Variants in KCNH8 observed in about 807,000 individuals in gnomAD.
The protein encoded by KCNH8 is voltage-gated delayed rectifier potassium channel KCNH8.
In KCNH8, 70 loss-of-function variants were observed where a neutral mutation model predicts 103.6. The ratio of observed to expected loss-of-function variants is 0.68; its 90% CI spans 0.56 to 0.82. The LOEUF (loss-of-function observed/expected upper bound fraction) is 0.82, where lower values mean the gene tolerates loss of function less well. Ranked by LOEUF, KCNH8 falls within the 40% of genes least tolerant of loss-of-function variation. KCNH8 has a pLI of 0.00. For missense variants in KCNH8, 1,217 were observed against 1,329.9 expected, an observed-to-expected ratio of 0.92 and a Z score of 1.32; for synonymous variants, 498 against 489.4, an observed-to-expected ratio of 1.02 and a Z score of -0.23.
At chr3:19,295,780 C>T (rs1361173755) in intron 3 of KCNH8, among the ~76,000 whole-genome samples, 1 of 151,956 alleles carries the variant, frequency 6.6e-6, no homozygotes, top group Non-Finnish European at 1.5e-5. Flanking sequence ...TATGGGGTTA[C>T]TGAGGTAGTG....
At chr3:19,337,971 C>A (rs1327918721) in intron 3 of KCNH8, among the ~76,000 whole-genome samples, 1 of 149,216 alleles carries the variant, frequency 6.7e-6, no homozygotes, top group African/African-American at 2.5e-5. Flanking sequence ...AAAAAATAAA[C>A]ACACACACAC....
intron 11 of KCNH8, among the ~76,000 whole-genome samples, chr3:19,475,740 T>C (rs1248742042): frequency 3.3e-5 from 5 of 152,228 alleles, no homozygotes; most frequent in Non-Finnish European, 7.3e-5. Context: ...TAGAGATTTA[T>C]CAGGCATATT....
chr3:19,346,631 G>T (rs1253790359), intron 4 of KCNH8: 3 of 456,274 alleles, frequency 6.6e-6, no homozygotes, highest in South Asian at 4.6e-5. Context: ...TGATCTTTCT[G>T]AACCTTTCTT....
intron 1 of KCNH8, among the ~76,000 whole-genome samples, chr3:19,202,959 G>A (rs1284526753): frequency 1.3e-5 from 2 of 152,110 alleles, no homozygotes; most frequent in African/African-American, 2.4e-5. Flanking sequence ...CTGAAGAAGT[G>A]TCAGTGTCCA....
chr3:19,325,662 C>T (rs1179018230), intron 3 of KCNH8, among the ~76,000 whole-genome samples: 2 of 152,014 alleles, frequency 1.3e-5, no homozygotes, highest in African/African-American at 4.8e-5. Flanking sequence ...TCAGAATGGC[C>T]ACTGTGAAAT....
At chr3:19,355,818 C>T (rs1036343837) in intron 5 of KCNH8, among the ~76,000 whole-genome samples, 33 of 151,682 alleles carry the variant, frequency 2.2e-4, no homozygotes, top group Admixed American at 2.0e-3. Context: ...ACCAACATGG[C>T]GCATGTATAC....
chr3:19,243,824 C>A (rs1032533876), intron 1 of KCNH8, among the ~76,000 whole-genome samples: 1 of 152,068 alleles, frequency 6.6e-6, no homozygotes, highest in African/African-American at 2.4e-5. Flanking sequence ...AAGAAATATT[C>A]TTTGAATTAA....
At chr3:19,392,352 G>A (rs1274720266) in intron 6 of KCNH8, among the ~76,000 whole-genome samples, 2 of 149,454 alleles carry the variant, frequency 1.3e-5, no homozygotes, top group South Asian at 2.1e-4. Flanking sequence ...AAAAGGGGAA[G>A]GAATCTGTTA....
In KCNH8 at chr3:19,272,005, A is replaced by G. The variant is rs897887891; in HGVS notation, c.311-9193A>G. ...AATCAAATAAATTAATGAGAATCTG[A>G]ACCTTGAAAAAGACAAAAAGCAGTA... On this transcript the variant is annotated intron_variant, in intron 2 of 15. Coordinates refer to ENST00000328405, the MANE Select transcript of KCNH8 (RefSeq NM_144633.3). 5.8e-4 allele frequency among the ~76,000 whole-genome samples: 89 copies of G among 152,308 alleles called. 1 individual carries two copies. The highest frequency in any genetic ancestry group is 8.8e-5 in the Non-Finnish European group (6 of 68,020).
intron 1 of KCNH8, among the ~76,000 whole-genome samples, chr3:19,209,531 A>C (rs1165936510): frequency 1.3e-5 from 2 of 152,218 alleles, no homozygotes; most frequent in East Asian, 3.9e-4. Flanking sequence ...ACACTCACTC[A>C]GAGATTGACT....
chr3:19,517,971 T>A, intron 14 of KCNH8, 27 bp from the exon 15 acceptor site: 1 of 1,580,046 alleles, frequency 6.3e-7, no homozygotes. Flanking sequence ...CCTAAAGGAC[T>A]CATTCTGTAT....
chr3:19,329,293 TC>T (rs2065472235), intron 3 of KCNH8, among the ~76,000 whole-genome samples: 1 of 152,216 alleles, frequency 6.6e-6, no homozygotes, highest in South Asian at 2.1e-4. Context: ...TATATATCTT[TC>T]TATAAACCTC....
At chr3:19,479,069 T>C (rs1035673916) in intron 11 of KCNH8, among the ~76,000 whole-genome samples, 1 of 152,196 alleles carries the variant, frequency 6.6e-6, no homozygotes, top group Non-Finnish European at 1.5e-5. Context: ...TAGCTAATAA[T>C]TGGCAGGACT....
chr3:19,283,567 A>G (rs1443132657), intron 3 of KCNH8, among the ~76,000 whole-genome samples: 1 of 152,032 alleles, frequency 6.6e-6, no homozygotes, highest in Non-Finnish European at 1.5e-5. Flanking sequence ...TTCTATTGCT[A>G]CCTTATTATA....
chr3:19,326,356 AATATATATATAT>A (rs34714826), intron 3 of KCNH8, among the ~76,000 whole-genome samples: 8 of 135,766 alleles, frequency 5.9e-5, no homozygotes, highest in East Asian at 2.3e-4. Context: ...ATGAAAGTTA[AATATATATATAT>A]ATATATATAT....
chr3:19,257,179 T>C (rs2064357024), intron 2 of KCNH8, among the ~76,000 whole-genome samples: 2 of 152,090 alleles, frequency 1.3e-5, no homozygotes, highest in African/African-American at 4.8e-5. Context: ...TTTCTTTTAA[T>C]ATGCTTTAGA....
chr3:19,450,206 T>C lies in KCNH8; in HGVS notation c.1476T>C (p.Asp492=). 6.8e-6 allele frequency: 11 copies of C among 1,613,664 alleles called. No individual in the cohort carries two copies. Among genetic ancestry groups the C allele is most frequent in the Non-Finnish European group, 9.3e-6 (11 of 1,179,752 alleles). The change falls in exon 9 of 16, where the codon GAT becomes GAC. Residue 492 remains aspartate, a synonymous_variant. Coordinates refer to ENST00000328405, the MANE Select transcript of KCNH8 (RefSeq NM_144633.3). ...ACACTAGAACTAAGGATCTGAAAGA[T>C]TTCATCCGTGTCCATCACTTGCCCC... is the stretch of plus-strand genomic sequence containing the variant. ...LYHTRTKDLK[D]FIRVHHLPQQ... is the part of the protein sequence containing the mutation.
intron 1 of KCNH8, among the ~76,000 whole-genome samples, chr3:19,153,635 C>CTTTTTTTTTTTTTTT (rs773828081): frequency 7.8e-6 from 1 of 128,912 alleles, no homozygotes; most frequent in Non-Finnish European, 1.7e-5. Flanking sequence ...TTTCTTTTTT[C>CTTTTTTTTTTTTTTT]TTTTTTTTTT....
chr3:19,392,312 C>T (rs2066449122), intron 6 of KCNH8, among the ~76,000 whole-genome samples: 1 of 112,782 alleles, frequency 8.9e-6, no homozygotes, highest in African/African-American at 3.7e-5. Flanking sequence ...AGGGCAACAT[C>T]TGTGTCAAAA....
Sources: gnomAD v4.1 joint callset for allele counts (sites outside exome capture counted in the v4.1 genomes callset) on GRCh38, gnomAD v4.1.1 for gene constraint, MANE v1.5 for transcripts, NCBI Gene and HGNC (gene_info 2026-07-23, HGNC 2026-07-21) for gene names.